Variants in ALMS1 observed in about 807,000 individuals in gnomAD.
The protein encoded by ALMS1 is centrosome-associated protein ALMS1.
A neutral mutation model predicts 352.2 loss-of-function variants in ALMS1; 271 were observed. The ratio of observed to expected loss-of-function variants is 0.77; its 90% confidence interval spans 0.70 to 0.85. The LOEUF is 0.85. Ranked by LOEUF, ALMS1 falls within the 40% of genes least tolerant of loss-of-function variation. The pLI is 0.00. For missense variants in ALMS1, 5,445 were observed against 4,870.7 expected (o/e 1.12, Z -3.51); for synonymous variants, 1,865 against 1,761.2 (o/e 1.06, Z -1.48).
chr2:73,540,774 A>T (rs1357487478), intron 12 of ALMS1, among the ~76,000 whole-genome samples: 1 of 152,266 alleles, frequency 6.6e-6, no homozygotes, highest in Non-Finnish European at 1.5e-5. Context: ...AAAGAGGCAG[A>T]GAAGGCCATT....
intron 9 of ALMS1, among the ~76,000 whole-genome samples, chr2:73,461,687 CA>C (rs1459270677): frequency 2.0e-5 from 3 of 152,090 alleles, no homozygotes; most frequent in East Asian, 1.9e-4. Context: ...AAACCAATGG[CA>C]AAGAAGTTAA....
intron 1 of ALMS1, among the ~76,000 whole-genome samples, chr2:73,403,790 T>C (rs758118732): frequency 1.4e-4 from 22 of 152,208 alleles, no homozygotes; most frequent in Non-Finnish European, 2.5e-4. Flanking sequence ...TTTGATGCTA[T>C]CATAAGTGGG....
intron 16 of ALMS1, among the ~76,000 whole-genome samples, chr2:73,579,079 T>TA (rs1675115641): frequency 6.9e-6 from 1 of 144,536 alleles, no homozygotes; most frequent in East Asian, 2.0e-4. Flanking sequence ...TTATTTATTT[T>TA]TTTTTTTGAG....
At position 73,451,949 on chromosome 2, in the gene ALMS1, C is replaced by T. The variant is rs1572936601; in HGVS notation, c.5422C>T (p.His1808Tyr). 3 of 1,613,242 alleles carry T rather than the reference C, an allele frequency of 1.9e-6. No homozygotes were observed. In the East Asian group the frequency reaches 6.7e-5, roughly 36 times the overall value. Residue 1808 changes from histidine to tyrosine, a missense_variant, in exon 8 of 23, where the codon CAC becomes TAC. Physicochemically the swap from His to Tyr is moderately conservative, Grantham distance 83. Transcript: ENST00000613296. ...AACAGTAACCTCTACTTCCTACTCACACAGAGAGAAGCCCATTGTTTCCTA... is the reference window on the plus strand; with the variant it reads ...AACAGTAACCTCTACTTCCTACTCATACAGAGAGAAGCCCATTGTTTCCTA... Reference protein sequence around the residue: ...VSTVTSTSYSHREKPIVSYQR... With the variant: ...VSTVTSTSYSYREKPIVSYQR...
intron 15 of ALMS1, among the ~76,000 whole-genome samples, chr2:73,570,376 T>A (rs1364125627): frequency 6.6e-6 from 1 of 152,140 alleles, no homozygotes; most frequent in African/African-American, 2.4e-5. Context: ...AAAGAGAATA[T>A]AGACTGAGAA....
At chr2:73,559,244 T>C in intron 15 of ALMS1, 102 bp downstream of exon 15, 1 of 1,420,626 alleles carries the variant, frequency 7.0e-7, no homozygotes, top group Non-Finnish European at 9.6e-7. Context: ...AGCCTCATGA[T>C]TAAACAAAAA....
At chr2:73,426,312 CCAGTGAT>C in intron 5 of ALMS1, 134 bp from the exon 6 acceptor site, 1 of 836,408 alleles carries the variant, frequency 1.2e-6, no homozygotes, top group Non-Finnish European at 2.1e-6. Context: ...GTACCATTGA[CCAGTGAT>C]GCATCATTAA....
At chr2:73,434,610 C>T (rs2178154) in intron 7 of ALMS1, among the ~76,000 whole-genome samples, 86,458 of 152,020 alleles carry the variant, frequency 0.57, 25,937 homozygotes, top group East Asian at 0.77. Context: ...GTGGGTTTAG[C>T]TGTTCAAATT....
intron 19 of ALMS1, among the ~76,000 whole-genome samples, chr2:73,601,706 C>T (rs564715179): frequency 1.3e-5 from 2 of 152,326 alleles, no homozygotes; most frequent in South Asian, 4.1e-4. Context: ...GCTTATTGGG[C>T]CTGTGGGTCC....
At chr2:73,583,001 T>C (rs983233834) in intron 16 of ALMS1, among the ~76,000 whole-genome samples, 2 of 151,952 alleles carry the variant, frequency 1.3e-5, no homozygotes, top group Admixed American at 1.3e-4. Context: ...ACCAACAATG[T>C]ACAAGGGTTC....
At chr2:73,605,021 G>A (rs758447522) in intron 21 of ALMS1, among the ~76,000 whole-genome samples, 10 of 152,202 alleles carry the variant, frequency 6.6e-5, no homozygotes, top group Admixed American at 3.3e-4. Flanking sequence ...TTAAGGAAAA[G>A]CACTTATGCC....
intron 21 of ALMS1, among the ~76,000 whole-genome samples, chr2:73,605,676 C>G (rs540857911): frequency 1.8e-4 from 28 of 152,100 alleles, no homozygotes; most frequent in Middle Eastern, 3.4e-3. Flanking sequence ...AAAGACTTCT[C>G]TACTAAAACT....
chr2:73,494,348 G>A (rs1338632641), intron 10 of ALMS1, among the ~76,000 whole-genome samples: 1 of 152,106 alleles, frequency 6.6e-6, no homozygotes, highest in Admixed American at 6.5e-5. Context: ...GGTTGTCCAT[G>A]TAACCTTTAC....
Position 73,410,850 on chromosome 2 carries a change from A to G in ALMS1, c.450+2103A>G, listed in dbSNP as rs578181945. On this transcript the variant is annotated intron_variant, in intron 2 of 22. Coordinates refer to ENST00000613296, the MANE Select transcript of ALMS1 (RefSeq NM_001378454.1). ...GTTAAATATTTAAGGTTGATTAATA[A>G]CTTGAGTATCAGATTTCTCCTATTA... 1.1e-4 allele frequency among the ~76,000 whole-genome samples: 17 copies of G among 152,254 alleles called. No individual in the cohort carries two copies. In the South Asian group the frequency reaches 3.5e-3, roughly 32 times the overall value.
chr2:73,434,563 G>C (rs1671570928), intron 7 of ALMS1, among the ~76,000 whole-genome samples: 1 of 152,162 alleles, frequency 6.6e-6, no homozygotes, highest in Non-Finnish European at 1.5e-5. Flanking sequence ...TTCTGCTGTT[G>C]TTAGGTGGTG....
chr2:73,522,529 G>A (rs1021183336), intron 11 of ALMS1, among the ~76,000 whole-genome samples: 1 of 146,876 alleles, frequency 6.8e-6, no homozygotes, highest in Non-Finnish European at 1.5e-5. Context: ...GAGTGCAGTG[G>A]TGCAATCTTG....
intron 10 of ALMS1, among the ~76,000 whole-genome samples, chr2:73,513,561 C>G (rs978415183): frequency 2.0e-5 from 3 of 152,150 alleles, no homozygotes. Flanking sequence ...CTGCCCTTAC[C>G]CTGTATGACA....
chr2:73,481,328 C>T (rs900031913), intron 9 of ALMS1, among the ~76,000 whole-genome samples: 11 of 151,952 alleles, frequency 7.2e-5, no homozygotes, highest in South Asian at 2.1e-4. Flanking sequence ...ATTTATTAAA[C>T]AGGGAATCCT....
At chr2:73,592,006 T>C (rs986947345) in intron 16 of ALMS1, among the ~76,000 whole-genome samples, 1 of 152,238 alleles carries the variant, frequency 6.6e-6, no homozygotes, top group African/African-American at 2.4e-5. Context: ...CATTAGAGTT[T>C]TTTTTACCTT....
Sources: allele counts gnomAD v4.1 joint callset (sites outside exome capture counted in the v4.1 genomes callset), GRCh38; gene constraint gnomAD v4.1.1; transcripts MANE v1.5; gene names NCBI Gene and HGNC (gene_info 2026-07-23, HGNC 2026-07-21).